Variants in ACAD11 observed in about 807,000 individuals in gnomAD.
The protein encoded by ACAD11 is acyl-Coenzyme A dehydrogenase family, member 11.
Under a neutral mutation model 102.2 loss-of-function variants are expected in ACAD11, and 83 were observed. The observed-to-expected ratio is 0.81, with a 90% confidence interval of 0.68 to 0.97. ACAD11 has a LOEUF of 0.97. Ranked by LOEUF, ACAD11 falls within the 50% of genes least tolerant of loss-of-function variation. The probability of loss-of-function intolerance (pLI) is 0.00; values close to 1 mark genes in which losing one functional copy is unlikely to be tolerated. For missense variants in ACAD11, 901 were observed against 951.7 expected (o/e 0.95, Z 0.70); for synonymous variants, 324 against 319.8 (o/e 1.01, Z -0.14).
chr3:132,601,799 A>G (rs1938615614), intron 13 of ACAD11: 5 of 366,998 alleles, frequency 1.4e-5, no homozygotes, highest in South Asian at 9.6e-5. Context: ...AGAACTATAT[A>G]CACACATTGT....
chr3:132,579,801 C>T (rs1937573125), intron 13 of ACAD11, among the ~76,000 whole-genome samples: 1 of 152,056 alleles, frequency 6.6e-6, no homozygotes, highest in African/African-American at 2.4e-5. Flanking sequence ...GAAGTCAAAG[C>T]AGCATGAAAG....
At chr3:132,642,413 A>G (rs571705286) in intron 3 of ACAD11, among the ~76,000 whole-genome samples, 158 of 152,354 alleles carry the variant, frequency 1.0e-3, no homozygotes, top group African/African-American at 3.7e-3. Flanking sequence ...TATTGCCATT[A>G]CAGATAGCTC....
chr3:132,607,230 C>G (rs971113686), intron 11 of ACAD11, among the ~76,000 whole-genome samples: 1 of 152,176 alleles, frequency 6.6e-6, no homozygotes, highest in Non-Finnish European at 1.5e-5. Context: ...CAAAGGATCA[C>G]AACCCCTCGC....
rs150769513 is a variant in ACAD11, at chr3:132,601,048, G to A, written c.1621+2181C>T. 5.6e-6 allele frequency: 9 copies of A among 1,613,686 alleles called. No homozygotes were observed. In the Admixed American group the frequency reaches 1.5e-4, roughly 27 times the overall value. On this transcript the variant is annotated intron_variant, in intron 13 of 19. Coordinates refer to ENST00000264990, the MANE Select transcript of ACAD11 (RefSeq NM_032169.5). ...TTGTAGTACCCTTTCTTATTATGGG[G>A]GTGTGCTACTTTATCACAGCAAGGA...
intron 12 of ACAD11, among the ~76,000 whole-genome samples, chr3:132,604,339 A>G (rs1159583605): frequency 6.6e-6 from 1 of 152,188 alleles, no homozygotes; most frequent in Non-Finnish European, 1.5e-5. Context: ...ATAGGTACAT[A>G]TGTATAAGAA....
Position 132,594,824 on chromosome 3 carries a change from C to G in ACAD11, c.1621+8405G>C, listed in dbSNP as rs150870514. Among the ~76,000 whole-genome samples, 8 of 152,268 alleles carry G rather than the reference C, an allele frequency of 5.3e-5. No homozygotes were observed. The East Asian group carries it at 1.5e-3, about 29-fold the overall frequency. ...ATAGAAAGATCAAAGAGATTATTAT[C>G]TGATAATTATGGAGGCTGCAGTTGC... On this transcript the variant is annotated intron_variant, in intron 13 of 19. Coordinates refer to ENST00000264990, the MANE Select transcript of ACAD11 (RefSeq NM_032169.5).
At chr3:132,576,827 C>T in intron 16 of ACAD11, 117 bp downstream of exon 16, 1 of 756,802 alleles carries the variant, frequency 1.3e-6, no homozygotes, top group Non-Finnish European at 2.2e-6. Flanking sequence ...TTGCACGAAC[C>T]TAATATCTAA....
chr3:132,653,595 C>T (rs980856584), intron 1 of ACAD11, among the ~76,000 whole-genome samples: 2 of 152,022 alleles, frequency 1.3e-5, no homozygotes, highest in African/African-American at 2.4e-5. Context: ...TCACTTCCCC[C>T]CTACTTAAAA....
chr3:132,568,680 C>A (rs1450919458), intron 17 of ACAD11, among the ~76,000 whole-genome samples: 1 of 151,758 alleles, frequency 6.6e-6, no homozygotes, highest in Non-Finnish European at 1.5e-5. Flanking sequence ...GAAGAGACAA[C>A]CCATATATAA....
intron 13 of ACAD11, among the ~76,000 whole-genome samples, chr3:132,593,327 T>G (rs548473023): frequency 6.6e-6 from 1 of 152,044 alleles, no homozygotes; most frequent in Non-Finnish European, 1.5e-5. Context: ...AAGAACACAA[T>G]TGCAAAAAGA....
intron 5 of ACAD11, among the ~76,000 whole-genome samples, chr3:132,636,054 G>A (rs1461609837): frequency 1.3e-5 from 2 of 152,048 alleles, no homozygotes. Flanking sequence ...AAACTTCTCT[G>A]GAGTTACTTT....
intron 1 of ACAD11, among the ~76,000 whole-genome samples, chr3:132,648,276 T>C (rs1940791016): frequency 6.6e-6 from 1 of 152,200 alleles, no homozygotes; most frequent in Admixed American, 6.5e-5. Flanking sequence ...CCAGTTCAGA[T>C]GCAGTTTACT....
At chr3:132,605,974 T>G (rs1938820372) in intron 11 of ACAD11, among the ~76,000 whole-genome samples, 1 of 152,194 alleles carries the variant, frequency 6.6e-6, no homozygotes, top group African/African-American at 2.4e-5. Flanking sequence ...TTGTTTATAG[T>G]ACATGATGCA....
intron 1 of ACAD11, among the ~76,000 whole-genome samples, chr3:132,652,485 C>A (rs1026640932): frequency 1.3e-5 from 2 of 152,156 alleles, no homozygotes; most frequent in African/African-American, 4.8e-5. Context: ...ACCTTGAATA[C>A]ACCTTCAGTA....
At position 132,641,698 on chromosome 3, in the gene ACAD11, G is replaced by GGAAGAAGAAGAAGAAGAAGAA. The variant is rs199597510; in HGVS notation, c.537+253_537+273dup. ...AGGAAGAGGAAGAGGAAGAGGAAGA[G>GGAAGAAGAAGAAGAAGAAGAA]GAAGAAGAAGAAGAAGAAGAAGAAG... is the stretch of plus-strand genomic sequence containing the variant. On this transcript the variant is annotated intron_variant, in intron 4 of 19. Transcript: ENST00000264990. Among the ~76,000 whole-genome samples the GGAAGAAGAAGAAGAAGAAGAA allele has an allele frequency of 1.9e-4, 22 of 116,692 alleles. No homozygotes were observed. In the South Asian group the frequency reaches 2.3e-3, roughly 12 times the overall value. The allele number at this position is 116,692 out of a possible 152,430, so 76.6% of individuals were successfully genotyped here.
intron 13 of ACAD11, 56 bp downstream of exon 13, chr3:132,603,173 A>G: frequency 7.5e-7 from 1 of 1,327,204 alleles, no homozygotes. Flanking sequence ...ATTCTAGCAT[A>G]GCATCTGGAA....
At chr3:132,636,911 AG>A (rs1375155633) in intron 5 of ACAD11, among the ~76,000 whole-genome samples, 22 of 152,194 alleles carry the variant, frequency 1.4e-4, no homozygotes, top group Non-Finnish European at 2.5e-4. Context: ...CCACATGCTG[AG>A]AGTGGGAACC....
At position 132,577,854 on chromosome 3, in the gene ACAD11, G is replaced by A. The variant is rs954663859; in HGVS notation, c.1775-839C>T. On this transcript the variant is annotated intron_variant, in intron 15 of 19. Coordinates refer to ENST00000264990, the MANE Select transcript of ACAD11 (RefSeq NM_032169.5). ...TTTGCAGCTCAACTATATTATAAACGCATTTTTGGTATCTTTGCGGCCGTT... is the reference window on the plus strand; with the variant it reads ...TTTGCAGCTCAACTATATTATAAACACATTTTTGGTATCTTTGCGGCCGTT... Among the ~76,000 whole-genome samples the A allele has an allele frequency of 1.1e-4, 16 of 152,216 alleles. No homozygotes were observed. The East Asian group carries it at 1.7e-3, about 16-fold the overall frequency.
At chr3:132,586,584 C>A (rs140131084) in intron 13 of ACAD11, among the ~76,000 whole-genome samples, 13 of 152,074 alleles carry the variant, frequency 8.5e-5, no homozygotes, top group African/African-American at 2.9e-4. Context: ...TCCCATTTTT[C>A]CCCCAAATAC....
Sources: allele counts gnomAD v4.1 joint callset (sites outside exome capture counted in the v4.1 genomes callset), GRCh38; gene constraint gnomAD v4.1.1; transcripts MANE v1.5; gene names NCBI Gene and HGNC (gene_info 2026-07-23, HGNC 2026-07-21).